Variants in ROR2 observed in about 807,000 individuals in gnomAD.
The protein encoded by ROR2 is tyrosine-protein kinase transmembrane receptor ROR2.
A neutral mutation model predicts 74.9 loss-of-function variants in ROR2; 33 were observed. That is an observed-to-expected ratio of 0.44 (90% CI 0.33 to 0.59). The LOEUF is 0.59. Ranked by LOEUF, ROR2 falls within the 20% of genes least tolerant of loss-of-function variation. ROR2 has a pLI of 0.02. For missense variants in ROR2, 1,216 were observed against 1,313.8 expected, an observed-to-expected ratio of 0.93 and a Z score of 1.15; for synonymous variants, 586 against 558.7, an observed-to-expected ratio of 1.05 and a Z score of -0.69.
intron 1 of ROR2, among the ~76,000 whole-genome samples, chr9:91,936,874 C>CA (rs1831707695): frequency 6.6e-6 from 1 of 150,438 alleles, no homozygotes; most frequent in African/African-American, 2.5e-5. Context: ...ACTAAAAATA[C>CA]AAAAAATTAG....
intron 2 of ROR2, among the ~76,000 whole-genome samples, chr9:91,770,379 G>A (rs1282008488): frequency 6.6e-6 from 1 of 152,200 alleles, no homozygotes; most frequent in African/African-American, 2.4e-5. Context: ...GTCAGCACGG[G>A]GGCCCACCCC....
chr9:91,805,811 C>T (rs1410459437), intron 1 of ROR2, among the ~76,000 whole-genome samples: 1 of 152,144 alleles, frequency 6.6e-6, no homozygotes, highest in Admixed American at 6.5e-5. Context: ...AAATGTCCAG[C>T]GAGATTGCAT....
At chr9:91,791,686 A>G (rs564859633) in intron 1 of ROR2, among the ~76,000 whole-genome samples, 37 of 152,306 alleles carry the variant, frequency 2.4e-4, no homozygotes, top group African/African-American at 8.2e-4. Flanking sequence ...ACTAGACAAT[A>G]TATCAGTAAG....
At chr9:91,787,197 C>A (rs926038408) in intron 1 of ROR2, among the ~76,000 whole-genome samples, 4 of 152,126 alleles carry the variant, frequency 2.6e-5, no homozygotes, top group African/African-American at 9.7e-5. Flanking sequence ...CAGATGTGAC[C>A]CCACAGAATC....
chr9:91,932,875 C>T (rs1831586465), intron 1 of ROR2, among the ~76,000 whole-genome samples: 1 of 152,180 alleles, frequency 6.6e-6, no homozygotes, highest in African/African-American at 2.4e-5. Context: ...TTTCATACTT[C>T]TTAAGATGAA....
chr9:91,790,701 A>T (rs1826942061), intron 1 of ROR2, among the ~76,000 whole-genome samples: 1 of 152,180 alleles, frequency 6.6e-6, no homozygotes, highest in Non-Finnish European at 1.5e-5. Context: ...ATCCAGGAGA[A>T]GGCATTATTA....
chr9:91,834,108 T>A (rs1038718871), intron 1 of ROR2, among the ~76,000 whole-genome samples: 5 of 152,136 alleles, frequency 3.3e-5, no homozygotes. Flanking sequence ...GGTTCCAAAG[T>A]ACATGATCTC....
chr9:91,902,422 C>G (rs1830698165), intron 1 of ROR2, among the ~76,000 whole-genome samples: 2 of 152,112 alleles, frequency 1.3e-5, no homozygotes, highest in African/African-American at 4.8e-5. Context: ...GCTTGTACCT[C>G]TCACAGCCAG....
At chr9:91,771,542 G>A (rs766777224) in intron 2 of ROR2, among the ~76,000 whole-genome samples, 1 of 152,154 alleles carries the variant, frequency 6.6e-6, no homozygotes, top group African/African-American at 2.4e-5. Context: ...ATGTTAACCC[G>A]GTTATAACCA....
chr9:91,831,455 G>A (rs1229599759), intron 1 of ROR2, among the ~76,000 whole-genome samples: 1 of 152,012 alleles, frequency 6.6e-6, no homozygotes, highest in Non-Finnish European at 1.5e-5. Flanking sequence ...GGCACCTGGG[G>A]GGACAACATC....
intron 1 of ROR2, among the ~76,000 whole-genome samples, chr9:91,793,748 TGA>T (rs1381129364): frequency 2.1e-5 from 3 of 142,074 alleles, no homozygotes; most frequent in African/African-American, 8.4e-5. Flanking sequence ...GGCGACAGTG[TGA>T]GACTCCGTTT....
chr9:91,814,829 A>G (rs544225279), intron 1 of ROR2, among the ~76,000 whole-genome samples: 1 of 152,216 alleles, frequency 6.6e-6, no homozygotes, highest in Non-Finnish European at 1.5e-5. Context: ...GCATGGCTGG[A>G]CGATGGGCCC....
chr9:91,748,899 C>T (rs1259363160), intron 4 of ROR2, among the ~76,000 whole-genome samples: 4 of 152,170 alleles, frequency 2.6e-5, no homozygotes, highest in Admixed American at 6.5e-5. Flanking sequence ...TGGTGGCAGG[C>T]GCCTGTAATC....
chr9:91,838,729 C>T (rs768194614), intron 1 of ROR2, among the ~76,000 whole-genome samples: 6 of 152,256 alleles, frequency 3.9e-5, no homozygotes, highest in South Asian at 2.1e-4. Flanking sequence ...GGATCTCTCC[C>T]GTTAGACCCT....
intron 1 of ROR2, among the ~76,000 whole-genome samples, chr9:91,902,171 T>C (rs1334832903): frequency 1.3e-5 from 2 of 152,218 alleles, no homozygotes; most frequent in Admixed American, 6.5e-5. Flanking sequence ...AAGTAAGAGA[T>C]GCATACTCAC....
chr9:91,948,566 C>CG lies in ROR2; in HGVS notation c.97+1300_97+1301insC, dbSNP rs1385287093. 2.1e-5 allele frequency: 21 copies of CG among 984,288 alleles called. No homozygotes were observed. The African/African-American group carries it at 2.8e-4, about 13-fold the overall frequency. 61.0% of individuals were successfully genotyped at this position (984,288 alleles called of 1,614,324 possible). On this transcript the variant is annotated intron_variant, in intron 1 of 8. Transcript: ENST00000375708. ...ATCAACATCTGCTTAAACTAAAACC[C>CG]CCCCCCAGGAAAGACTGTGCAGCCT... is the stretch of plus-strand genomic sequence containing the variant.
At chr9:91,793,761 C>CA (rs58120050) in intron 1 of ROR2, among the ~76,000 whole-genome samples, 5,210 of 81,826 alleles carry the variant, frequency 0.064, 224 homozygotes, top group Middle Eastern at 0.19. Flanking sequence ...GACTCCGTTT[C>CA]AAAAAAAAAA....
intron 1 of ROR2, among the ~76,000 whole-genome samples, chr9:91,942,166 T>C (rs1209996453): frequency 6.6e-6 from 1 of 152,154 alleles, no homozygotes; most frequent in Non-Finnish European, 1.5e-5. Flanking sequence ...CTACAGACCA[T>C]TGTTTCATAG....
chr9:91,728,584 C>T (rs1837125233), intron 7 of ROR2, among the ~76,000 whole-genome samples: 1 of 152,140 alleles, frequency 6.6e-6, no homozygotes, highest in African/African-American at 2.4e-5. Context: ...GCGCCCGCCA[C>T]CATGCCTGGC....
Sources: allele counts gnomAD v4.1 joint callset (sites outside exome capture counted in the v4.1 genomes callset), GRCh38; gene constraint gnomAD v4.1.1; transcripts MANE v1.5; gene names NCBI Gene and HGNC (gene_info 2026-07-23, HGNC 2026-07-21).